RBFOX3: variants seen among roughly 807,000 people sequenced by gnomAD.
RBFOX3 encodes RNA binding fox-1 homolog 3.
In RBFOX3, 17 loss-of-function variants were observed where a neutral mutation model predicts 48.7. The ratio of observed to expected loss-of-function variants is 0.35; its 90% confidence interval spans 0.24 to 0.52. RBFOX3 has a LOEUF of 0.52. Ranked by LOEUF, RBFOX3 falls within the 20% of genes least tolerant of loss-of-function variation. The pLI, the probability that RBFOX3 is intolerant of heterozygous loss-of-function variation, is 0.94. For missense variants in RBFOX3, 382 were observed against 497.5 expected, an observed-to-expected ratio of 0.77 and a Z score of 2.21; for synonymous variants, 212 against 209.5, an observed-to-expected ratio of 1.01 and a Z score of -0.10.
At chr17:79,417,437 GA>G (rs1387180964) in intron 2 of RBFOX3, among the ~76,000 whole-genome samples, 7 of 152,216 alleles carry the variant, frequency 4.6e-5, no homozygotes, top group Non-Finnish European at 8.8e-5. Flanking sequence ...CCTGGATGTT[GA>G]AAAGTAGCTG....
At chr17:79,251,476 A>T (rs2063945794) in intron 3 of RBFOX3, among the ~76,000 whole-genome samples, 1 of 152,020 alleles carries the variant, frequency 6.6e-6, no homozygotes, top group Non-Finnish European at 1.5e-5. Context: ...CCAAACTCAG[A>T]TCTCTGGGCA....
At chr17:79,324,114 A>G (rs1377001161) in intron 2 of RBFOX3, among the ~76,000 whole-genome samples, 2 of 152,066 alleles carry the variant, frequency 1.3e-5, no homozygotes, top group African/African-American at 4.8e-5. Flanking sequence ...TGCATCCTTC[A>G]GTGGGTCAGG....
intron 4 of RBFOX3, among the ~76,000 whole-genome samples, chr17:79,179,448 A>T (rs1599836583): frequency 6.6e-6 from 1 of 152,244 alleles, no homozygotes; most frequent in South Asian, 2.1e-4. Context: ...TTGAGCACAC[A>T]CGGAGAGCAA....
At chr17:79,190,960 C>G (rs1434515119) in intron 4 of RBFOX3, among the ~76,000 whole-genome samples, 1 of 152,204 alleles carries the variant, frequency 6.6e-6, no homozygotes, top group Non-Finnish European at 1.5e-5. Flanking sequence ...GCTCCCATTG[C>G]TACGGCCGGC....
intron 2 of RBFOX3, among the ~76,000 whole-genome samples, chr17:79,463,866 CGCCACT>C (rs1175530277): frequency 3.8e-4 from 58 of 150,966 alleles, no homozygotes; most frequent in African/African-American, 1.2e-3. Context: ...ACCTCCCCAT[CGCCACT>C]GCCACTGCCA....
chr17:79,620,071 A>ACG, the RBFOX3 span, among the ~76,000 whole-genome samples: 1 of 150,288 alleles, frequency 6.7e-6, no homozygotes, highest in East Asian at 2.0e-4. Flanking sequence ...ATGTACATGC[A>ACG]CACATGCACA....
At chr17:79,156,395 T>G (rs1028250860) in intron 4 of RBFOX3, among the ~76,000 whole-genome samples, 2 of 151,934 alleles carry the variant, frequency 1.3e-5, no homozygotes, top group African/African-American at 4.8e-5. Flanking sequence ...GGGTCCCCAT[T>G]CCCAGGGACA....
chr17:79,486,328 C>T (rs2079598877), intron 1 of RBFOX3, among the ~76,000 whole-genome samples: 1 of 152,170 alleles, frequency 6.6e-6, no homozygotes, highest in South Asian at 2.1e-4. Flanking sequence ...CGGGAGTGAG[C>T]TGTGTCCTCC....
intron 2 of RBFOX3, among the ~76,000 whole-genome samples, chr17:79,356,452 T>A (rs1489041387): frequency 7.4e-6 from 1 of 134,306 alleles, no homozygotes; most frequent in East Asian, 2.3e-4. Flanking sequence ...TACTGCAAGC[T>A]CCACCTCCCA....
chr17:79,556,341 T>C (rs904347878), intron 1 of RBFOX3, among the ~76,000 whole-genome samples: 343 of 152,074 alleles, frequency 2.3e-3, no homozygotes, highest in African/African-American at 7.4e-3. Context: ...TAAGGCAAAA[T>C]AGACAGCAGT....
chr17:79,229,490 C>T (rs997694200), intron 4 of RBFOX3, among the ~76,000 whole-genome samples: 5 of 134,510 alleles, frequency 3.7e-5, no homozygotes, highest in Admixed American at 8.5e-5. Context: ...ACCTGGGAGG[C>T]AGAGGTTACA....
chr17:79,572,022 A>C (rs2092696219), intron 1 of RBFOX3, among the ~76,000 whole-genome samples: 1 of 152,102 alleles, frequency 6.6e-6, no homozygotes, highest in Non-Finnish European at 1.5e-5. Flanking sequence ...GGTGCTAAGT[A>C]TTCTCTCATT....
intron 4 of RBFOX3, among the ~76,000 whole-genome samples, chr17:79,152,396 T>G (rs1015885716): frequency 6.6e-6 from 1 of 151,228 alleles, no homozygotes; most frequent in South Asian, 2.1e-4. Flanking sequence ...GCCCAGAGAG[T>G]CATAGGAGCA....
intron 3 of RBFOX3, among the ~76,000 whole-genome samples, chr17:79,293,656 T>C (rs972728998): frequency 6.6e-6 from 1 of 152,138 alleles, no homozygotes; most frequent in Non-Finnish European, 1.5e-5. Flanking sequence ...TTTCACCATG[T>C]TGGCTGGGCT....
rs915189631 is a variant in RBFOX3, at chr17:79,530,519, G to A, written c.-319-47921C>T. On this transcript the variant is annotated intron_variant, in intron 1 of 14. Transcript: ENST00000693108. The stretch of plus-strand genomic sequence containing the variant: ...ACTGATGGTAGTTTACTTTGAGGCC[G>A]TGATGGAATCCATCCACAAAAATTC... Among the ~76,000 whole-genome samples the A allele has an allele frequency of 3.9e-3, 596 of 152,206 alleles. 7 individuals carry two copies. Among genetic ancestry groups the A allele is most frequent in the East Asian group, 0.019 (96 of 5,164 alleles).
the RBFOX3 span, among the ~76,000 whole-genome samples, chr17:79,617,372 C>T: frequency 1.3e-5 from 2 of 152,126 alleles, no homozygotes; most frequent in East Asian, 1.9e-4. Context: ...CCCCTTCCAT[C>T]CTCGCCTTCC....
At chr17:79,301,534 T>C (rs2075313895) in intron 3 of RBFOX3, among the ~76,000 whole-genome samples, 2 of 152,212 alleles carry the variant, frequency 1.3e-5, no homozygotes, top group Non-Finnish European at 2.9e-5. Context: ...CAGGCCAGTC[T>C]CACAGGCTCT....
intron 2 of RBFOX3, among the ~76,000 whole-genome samples, chr17:79,321,456 G>T (rs1812933667): frequency 6.6e-6 from 1 of 152,230 alleles, no homozygotes; most frequent in Admixed American, 6.5e-5. Context: ...CCGAGACACA[G>T]AAGCCCTTCT....
chr17:79,330,271 G>A (rs1163213354), intron 2 of RBFOX3, among the ~76,000 whole-genome samples: 1 of 152,160 alleles, frequency 6.6e-6, no homozygotes, highest in Admixed American at 6.5e-5. Flanking sequence ...CCTCATTGAG[G>A]TGAAATTGAA....
Sources: gnomAD v4.1 joint callset for allele counts (sites outside exome capture counted in the v4.1 genomes callset) on GRCh38, gnomAD v4.1.1 for gene constraint, MANE v1.5 for transcripts, NCBI Gene and HGNC (gene_info 2026-07-23, HGNC 2026-07-21) for gene names.